TMEM216: variants seen among roughly 807,000 people sequenced by gnomAD.
The protein encoded by TMEM216 is transmembrane protein 216, also known as cerebello-oculo-renal syndrome 2.
A neutral mutation model predicts 17.8 loss-of-function variants in TMEM216; 15 were observed. The ratio of observed to expected loss-of-function variants is 0.84; its 90% CI spans 0.56 to 1.30. The LOEUF (loss-of-function observed/expected upper bound fraction) is 1.30. Ranked by LOEUF, TMEM216 falls within the 50% of genes most tolerant of loss-of-function variation. The pLI, the probability that TMEM216 is intolerant of heterozygous loss-of-function variation, is 0.00. For synonymous variants in TMEM216, 58 were observed against 73.5 expected (o/e 0.79, Z 1.08); for missense variants, 160 against 175.7 (o/e 0.91, Z 0.51).
intron 1 of TMEM216, chr11:61,392,997 T>C (rs1166588351): frequency 3.1e-6 from 2 of 646,252 alleles, no homozygotes; most frequent in Non-Finnish European, 3.8e-6. Context: ...CTCTTGACTT[T>C]TATTCCTGAA....
At chr11:61,397,094 CTAA>C (rs1858816803) in intron 3 of TMEM216, among the ~76,000 whole-genome samples, 1 of 151,760 alleles carries the variant, frequency 6.6e-6, no homozygotes, top group African/African-American at 2.4e-5. Flanking sequence ...ACGTCATTCT[CTAA>C]TAATCTTCAG....
rs541341560 is a variant in TMEM216, at chr11:61,398,282, A to G, written c.*6A>G. On this transcript the variant is annotated 3_prime_UTR_variant, in exon 5 of 5. Coordinates refer to ENST00000515837, the MANE Select transcript of TMEM216 (RefSeq NM_001173990.3). The stretch of plus-strand genomic sequence containing the variant: ...ATCGTATGGACAGGATTTGAAGTAC[A>G]GAATTTCAGCCAGCAGCCCATCAGG... 86 of 1,611,772 alleles carry G rather than the reference A, an allele frequency of 5.3e-5. 1 individual carries two copies. The South Asian group carries it at 8.9e-4, about 17-fold the overall frequency.
Position 61,393,308 on chromosome 11 carries a change from G to T in TMEM216, c.112G>T (p.Glu38Ter), listed in dbSNP as rs1858720964. ...GWYNATYFLL[E>*]LFIFLYKGVL... The stretch of plus-strand genomic sequence containing the variant: ...GTATAATGCTACCTATTTCCTGCTG[G>T]AACTTTTCATATTTCTGTATAAAGG... Residue 38 changes from glutamate (E) to a stop codon, truncating the protein, a stop_gained, in exon 2 of 5, where the codon GAA (glutamate) becomes TAA (stop). Transcript: ENST00000515837. LOFTEE classifies it high-confidence loss of function. 1 of 1,535,656 alleles carries T rather than the reference G, an allele frequency of 6.5e-7. No individual in the cohort carries two copies. Among genetic ancestry groups the T allele is most frequent in the Non-Finnish European group, 8.7e-7 (1 of 1,146,688 alleles).
chr11:61,396,005 A>G (rs1012678288), intron 3 of TMEM216, among the ~76,000 whole-genome samples: 1 of 152,152 alleles, frequency 6.6e-6, no homozygotes, highest in Non-Finnish European at 1.5e-5. Context: ...TAGCCCCAAC[A>G]ATTTCACTTC....
Position 61,398,428 on chromosome 11 carries a change from G to A in TMEM216, c.*152G>A. Reference sequence around the variant, plus strand: ...CACAGACATTTGGGCAAGCAACTCAGCATAAGGCCAGTGGGTACCATCTTC... The same window carrying A: ...CACAGACATTTGGGCAAGCAACTCAACATAAGGCCAGTGGGTACCATCTTC... On this transcript the variant is annotated 3_prime_UTR_variant, in exon 5 of 5. Coordinates refer to ENST00000515837, the MANE Select transcript of TMEM216 (RefSeq NM_001173990.3). 1 of 759,238 alleles carries A rather than the reference G, an allele frequency of 1.3e-6. No individual in the cohort carries two copies. Among genetic ancestry groups the A allele is most frequent in the Non-Finnish European group, 2.2e-6 (1 of 462,354 alleles). 47.0% of individuals were successfully genotyped at this position (759,238 alleles called of 1,614,324 possible).
In TMEM216 at chr11:61,398,729, C is replaced by T. The variant is rs1215330624; in HGVS notation, c.*453C>T. 6.2e-6 allele frequency: 1 copy of T among 162,240 alleles called. No individual in the cohort carries two copies. Among genetic ancestry groups the T allele is most frequent in the Non-Finnish European group, 1.3e-5 (1 of 74,868 alleles). 10.1% of individuals were successfully genotyped at this position (162,240 alleles called of 1,614,324 possible). A position where few individuals can be genotyped will look rare whatever the true frequency, so the allele number is the denominator to read the frequency against. On this transcript the variant is annotated 3_prime_UTR_variant, in exon 5 of 5. Coordinates refer to ENST00000515837, the MANE Select transcript of TMEM216 (RefSeq NM_001173990.3). ...TGGGTTTCCAGAGTGATGTGAAAGC[C>T]TCTCACCCCAATCCTCGGAGACTGA...
intron 3 of TMEM216, among the ~76,000 whole-genome samples, chr11:61,397,508 A>C (rs1309465738): frequency 6.6e-6 from 1 of 152,112 alleles, no homozygotes; most frequent in Non-Finnish European, 1.5e-5. Flanking sequence ...TTTATAATTA[A>C]AAATTTTGTT....
chr11:61,395,770 A>T (rs926061750), intron 3 of TMEM216, among the ~76,000 whole-genome samples: 1 of 152,066 alleles, frequency 6.6e-6, no homozygotes, highest in African/African-American at 2.4e-5. Context: ...ATGGCAGTTC[A>T]TGTAAAAATA....
intron 3 of TMEM216, among the ~76,000 whole-genome samples, chr11:61,397,101 T>G (rs901905698): frequency 1.3e-5 from 2 of 151,958 alleles, no homozygotes; most frequent in Non-Finnish European, 2.9e-5. Context: ...TCTCTAATAA[T>G]CTTCAGGGTG....
chr11:61,396,580 G>T (rs1436667489), intron 3 of TMEM216, among the ~76,000 whole-genome samples: 1 of 152,018 alleles, frequency 6.6e-6, no homozygotes, highest in Non-Finnish European at 1.5e-5. Flanking sequence ...ATTGCCTGAG[G>T]TCAGGAGTTC....
intron 3 of TMEM216, among the ~76,000 whole-genome samples, chr11:61,394,855 T>TA (rs1278620114): frequency 6.7e-6 from 1 of 150,042 alleles, no homozygotes; most frequent in Non-Finnish European, 1.5e-5. Flanking sequence ...TTAGTAGAGA[T>TA]AGAGTTTCAC....
At chr11:61,398,139 T>C in intron 4 of TMEM216, 131 bp from the exon 5 acceptor site, 1 of 1,423,128 alleles carries the variant, frequency 7.0e-7, no homozygotes, top group Non-Finnish European at 9.8e-7. Flanking sequence ...AGGTAGATCG[T>C]TTCCCACTCA....
chr11:61,398,231 C>G (rs1211890217), intron 4 of TMEM216, 39 bp from the exon 5 acceptor site: 1 of 1,588,244 alleles, frequency 6.3e-7, no homozygotes, highest in Non-Finnish European at 8.5e-7. Flanking sequence ...ATTCACTGGT[C>G]TTTTAACATT....
In TMEM216 at chr11:61,398,074, C is replaced by CT. The variant is rs2135196658; in HGVS notation, c.431+105dup. 8 of 1,482,170 alleles carry CT rather than the reference C, an allele frequency of 5.4e-6. No homozygotes were observed. In the East Asian group the frequency reaches 6.8e-5, roughly 13 times the overall value. 91.8% of individuals were successfully genotyped at this position (1,482,170 alleles called of 1,614,324 possible). A position where few individuals can be genotyped will look rare whatever the true frequency, so the allele number is the denominator to read the frequency against. ...TCTGAAGCCTAAGGGGTCTAGAAGA[C>CT]TTTTTTCTAGAGGGAGGAAGGGGTG... is the stretch of plus-strand genomic sequence containing the variant. On this transcript the variant is annotated intron_variant, in intron 4 of 4. Coordinates refer to ENST00000515837, the MANE Select transcript of TMEM216 (RefSeq NM_001173990.3).
chr11:61,397,664 A>G, intron 3 of TMEM216, 110 bp from the exon 4 acceptor site: 2 of 947,452 alleles, frequency 2.1e-6, no homozygotes, highest in Non-Finnish European at 3.3e-6. Flanking sequence ...GCACACCCCC[A>G]CTCAGGATTA....
chr11:61,396,672 T>G (rs1858805131), intron 3 of TMEM216, among the ~76,000 whole-genome samples: 1 of 151,852 alleles, frequency 6.6e-6, no homozygotes, highest in East Asian at 1.9e-4. Context: ...CGGGCACCTG[T>G]AATCCCAGCT....
rs1477768705 is a variant in TMEM216, at chr11:61,392,809, T to C, written c.34+144T>C. The C allele has an allele frequency of 2.0e-6, 3 of 1,514,970 alleles. No homozygotes were observed. In the African/African-American group the frequency reaches 4.1e-5, roughly 21 times the overall value. 93.8% of individuals were successfully genotyped at this position (1,514,970 alleles called of 1,614,324 possible). ...CCTGGTCCAAAGCCGGCTTCCGCGG[T>C]CCCGCCCACCCTGGGTGCCTGAAGG... On this transcript the variant is annotated intron_variant, in intron 1 of 4. Transcript: ENST00000515837.
intron 4 of TMEM216, 31 bp from the exon 5 acceptor site, chr11:61,398,239 A>G (rs1379219780): frequency 1.3e-6 from 2 of 1,559,102 alleles, no homozygotes; most frequent in Non-Finnish European, 1.7e-6. Context: ...GTCTTTTAAC[A>G]TTTTCTTTCT....
chr11:61,397,698 C>T, intron 3 of TMEM216, 76 bp from the exon 4 acceptor site: 1 of 1,379,240 alleles, frequency 7.3e-7, no homozygotes, highest in South Asian at 1.2e-5. Flanking sequence ...GCCATTCCAT[C>T]ACATCTCCCA....
Sources: allele counts gnomAD v4.1 joint callset (sites outside exome capture counted in the v4.1 genomes callset), GRCh38; gene constraint gnomAD v4.1.1; transcripts MANE v1.5; gene names NCBI Gene and HGNC (gene_info 2026-07-23, HGNC 2026-07-21).